The following KCNAB1 variants were observed in gnomAD, a reference collection of about 807,000 sequenced individuals.
KCNAB1 encodes the protein voltage-gated potassium channel subunit beta-1.
In KCNAB1, 35 loss-of-function variants were observed where a neutral mutation model predicts 64.6. That is an observed-to-expected ratio of 0.54 (90% CI 0.41 to 0.72). The LOEUF is 0.72. Ranked by LOEUF, KCNAB1 falls within the 30% of genes least tolerant of loss-of-function variation. The probability of loss-of-function intolerance (pLI) is 0.00; values close to 1 mark genes in which losing one functional copy is unlikely to be tolerated. For synonymous variants in KCNAB1, 177 were observed against 183.8 expected, an observed-to-expected ratio of 0.96 and a Z score of 0.30; for missense variants, 401 against 512.9, an observed-to-expected ratio of 0.78 and a Z score of 2.11.
chr3:156,271,610 T>A (rs1427768033), intron 1 of KCNAB1, among the ~76,000 whole-genome samples: 1 of 152,236 alleles, frequency 6.6e-6, no homozygotes, highest in Non-Finnish European at 1.5e-5. Flanking sequence ...TAGCTTGAGT[T>A]TCGTTGAGTT....
intron 1 of KCNAB1, among the ~76,000 whole-genome samples, chr3:156,237,770 A>T (rs1212661757): frequency 6.6e-6 from 1 of 152,200 alleles, no homozygotes; most frequent in Non-Finnish European, 1.5e-5. Context: ...CTAAAGCTTC[A>T]CCCCATTTTC....
intron 1 of KCNAB1, among the ~76,000 whole-genome samples, chr3:156,343,215 A>G (rs1724257518): frequency 6.6e-6 from 1 of 152,126 alleles, no homozygotes; most frequent in African/African-American, 2.4e-5. Flanking sequence ...CTCTAATTTT[A>G]TTATGCACAG....
At chr3:156,405,430 T>C (rs892886432) in intron 1 of KCNAB1, among the ~76,000 whole-genome samples, 1 of 152,214 alleles carries the variant, frequency 6.6e-6, no homozygotes, top group Non-Finnish European at 1.5e-5. Context: ...TCTCATCCCA[T>C]TGCATTTGTG....
At chr3:156,260,636 A>T (rs896016096) in intron 1 of KCNAB1, among the ~76,000 whole-genome samples, 2 of 152,202 alleles carry the variant, frequency 1.3e-5, no homozygotes, top group African/African-American at 4.8e-5. Flanking sequence ...AGTTCCATAA[A>T]TACAACACAT....
At chr3:156,283,997 C>T (rs549852095) in intron 1 of KCNAB1, among the ~76,000 whole-genome samples, 13 of 151,918 alleles carry the variant, frequency 8.6e-5, no homozygotes, top group African/African-American at 2.2e-4. Flanking sequence ...AGCTTTGTTC[C>T]GTTGCTGGTG....
At chr3:156,517,246 T>G (rs1717622486) in intron 11 of KCNAB1, among the ~76,000 whole-genome samples, 1 of 152,232 alleles carries the variant, frequency 6.6e-6, no homozygotes, top group Non-Finnish European at 1.5e-5. Context: ...ACCAATCCTT[T>G]AATCATTGTG....
At chr3:156,294,023 G>C (rs1720628087) in intron 1 of KCNAB1, among the ~76,000 whole-genome samples, 1 of 152,206 alleles carries the variant, frequency 6.6e-6, no homozygotes, top group Non-Finnish European at 1.5e-5. Context: ...GAAATCAAAA[G>C]TAAGACCACT....
chr3:156,515,341 T>A (rs1717485523), intron 10 of KCNAB1, 121 bp downstream of exon 10: 1 of 876,278 alleles, frequency 1.1e-6, no homozygotes, highest in Non-Finnish European at 1.7e-6. Flanking sequence ...AACATAGACA[T>A]TGTAAGAACC....
intron 1 of KCNAB1, among the ~76,000 whole-genome samples, chr3:156,135,017 G>A (rs1000990156): frequency 2.7e-5 from 4 of 150,844 alleles, no homozygotes; most frequent in East Asian, 1.9e-4. Flanking sequence ...TTTTCTTCAC[G>A]GTGGAGTCTC....
chr3:156,178,401 A>G (rs745970664), intron 1 of KCNAB1, among the ~76,000 whole-genome samples: 11 of 152,204 alleles, frequency 7.2e-5, no homozygotes, highest in Non-Finnish European at 1.0e-4. Flanking sequence ...AGTTGAGAAG[A>G]CACTCCTTCT....
chr3:156,255,112 C>T (rs767369620), intron 1 of KCNAB1, among the ~76,000 whole-genome samples: 1 of 152,198 alleles, frequency 6.6e-6, no homozygotes, highest in African/African-American at 2.4e-5. Context: ...GGCCTTTCAG[C>T]AACACGGCCT....
At chr3:156,368,565 G>T (rs1217738615) in intron 1 of KCNAB1, among the ~76,000 whole-genome samples, 3 of 152,090 alleles carry the variant, frequency 2.0e-5, no homozygotes, top group Admixed American at 1.3e-4. Flanking sequence ...ATCACCCTTT[G>T]TTGTTATTTT....
intron 1 of KCNAB1, among the ~76,000 whole-genome samples, chr3:156,160,747 A>T (rs1305583217): frequency 6.6e-6 from 1 of 152,248 alleles, no homozygotes; most frequent in Non-Finnish European, 1.5e-5. Flanking sequence ...ATGGATCAAG[A>T]GACATTGGGG....
chr3:156,140,403 G>A (rs964846715), intron 1 of KCNAB1, among the ~76,000 whole-genome samples: 12 of 152,136 alleles, frequency 7.9e-5, no homozygotes. Context: ...TGCCAGCAGG[G>A]TCAGGTTCTT....
intron 3 of KCNAB1, among the ~76,000 whole-genome samples, chr3:156,454,154 C>A (rs1296464255): frequency 6.6e-6 from 1 of 152,316 alleles, no homozygotes; most frequent in East Asian, 1.9e-4. Context: ...CTCATGGGGG[C>A]TCCCCAGGGA....
At chr3:156,136,619 C>A (rs2108272178) in intron 1 of KCNAB1, among the ~76,000 whole-genome samples, 1 of 152,346 alleles carries the variant, frequency 6.6e-6, no homozygotes, top group East Asian at 1.9e-4. Context: ...AATAATGTGA[C>A]TGAGACCTCA....
intron 1 of KCNAB1, among the ~76,000 whole-genome samples, chr3:156,123,784 C>T (rs893823992): frequency 6.6e-6 from 1 of 152,134 alleles, no homozygotes; most frequent in African/African-American, 2.4e-5. Context: ...GGCTTTTCTT[C>T]TTACTGCCTG....
intron 1 of KCNAB1, among the ~76,000 whole-genome samples, chr3:156,220,202 G>A (rs114938178): frequency 0.11 from 17,158 of 152,158 alleles, 1,221 homozygotes; most frequent in Non-Finnish European, 0.16. Flanking sequence ...CCATATAGTA[G>A]CATGATTTAT....
chr3:156,313,653 T>G (rs1380191914), intron 1 of KCNAB1, among the ~76,000 whole-genome samples: 1 of 152,220 alleles, frequency 6.6e-6, no homozygotes, highest in Non-Finnish European at 1.5e-5. Flanking sequence ...CCGGGAGGAA[T>G]CAACCCCGTC....
Sources: gnomAD v4.1 joint callset for allele counts (sites outside exome capture counted in the v4.1 genomes callset) on GRCh38, gnomAD v4.1.1 for gene constraint, MANE v1.5 for transcripts, NCBI Gene and HGNC (gene_info 2026-07-23, HGNC 2026-07-21) for gene names.